Variants in GPC3 observed in about 807,000 individuals in gnomAD.
GPC3 encodes the protein glypican 3.
A neutral mutation model predicts 34.4 loss-of-function variants in GPC3; 3 were observed. That is an observed-to-expected ratio of 0.09 (90% CI 0.04 to 0.23). GPC3 has a LOEUF of 0.23. Among genes scored for constraint, GPC3 ranks in the 10% least tolerant of loss-of-function variants. GPC3 has a pLI of 1.00. For synonymous variants in GPC3, 177 were observed against 174.0 expected (o/e 1.02, Z -0.13); for missense variants, 351 against 445.6 (o/e 0.79, Z 1.91).
intron 1 of GPC3, among the ~76,000 whole-genome samples, chrX:133,976,714 T>TC (rs1366065137): frequency 1.8e-5 from 2 of 110,065 alleles, no homozygotes; most frequent in African/African-American, 6.6e-5. Context: ...GGTCAGGAGT[T>TC]CGAGACCAGC....
chrX:133,839,329 A>G (rs750308514), intron 2 of GPC3, among the ~76,000 whole-genome samples: 1 of 111,789 alleles, frequency 8.9e-6, no homozygotes, highest in Non-Finnish European at 1.9e-5. Context: ...GACTTTTATC[A>G]GGGGGGTCTG....
intron 2 of GPC3, among the ~76,000 whole-genome samples, chrX:133,928,532 A>G (rs1423718244): frequency 9.0e-6 from 1 of 111,662 alleles, no homozygotes; most frequent in Admixed American, 9.5e-5. Flanking sequence ...TAATGGTTGC[A>G]CCAATCTACA....
chrX:133,666,430 T>C (rs2070768187), intron 5 of GPC3, among the ~76,000 whole-genome samples: 1 of 112,639 alleles, frequency 8.9e-6, no homozygotes, highest in African/African-American at 3.2e-5. Context: ...ATAGCTGCCC[T>C]GTGGCTTAGG....
At chrX:133,947,793 T>C (rs2076375508) in intron 2 of GPC3, among the ~76,000 whole-genome samples, 1 of 112,147 alleles carries the variant, frequency 8.9e-6, no homozygotes. Flanking sequence ...GTTTGATTAA[T>C]AATTTACATT....
chrX:133,900,050 G>A (rs760830394), intron 2 of GPC3, among the ~76,000 whole-genome samples: 120 of 111,774 alleles, frequency 1.1e-3, no homozygotes, highest in Non-Finnish European at 1.7e-3. Flanking sequence ...TGATCCACCC[G>A]CCTCAGCCTC....
At chrX:133,635,845 AC>A (rs1458094644) in intron 6 of GPC3, among the ~76,000 whole-genome samples, 2 of 107,401 alleles carry the variant, frequency 1.9e-5, no homozygotes, top group Non-Finnish European at 3.8e-5. Context: ...AAAAAAAAAA[AC>A]ACTTCATAAA....
chrX:133,821,649 T>C (rs1051232093), intron 2 of GPC3, among the ~76,000 whole-genome samples: 5 of 111,451 alleles, frequency 4.5e-5, no homozygotes, highest in African/African-American at 1.6e-4. Flanking sequence ...AAGGTAATAA[T>C]ACCTAGTGTA....
intron 2 of GPC3, among the ~76,000 whole-genome samples, chrX:133,905,088 G>A (rs2076162455): frequency 8.9e-6 from 1 of 111,954 alleles, no homozygotes; most frequent in African/African-American, 3.2e-5. Flanking sequence ...ATGTTTAACT[G>A]TCAGTACTTA....
chrX:133,711,894 T>C (rs947608956), intron 3 of GPC3, among the ~76,000 whole-genome samples: 12 of 112,323 alleles, frequency 1.1e-4, no homozygotes, highest in Non-Finnish European at 2.1e-4. Flanking sequence ...AACCTTCTTA[T>C]CATTTAATAA....
At chrX:133,574,224 T>C (rs2069656789) in intron 7 of GPC3, among the ~76,000 whole-genome samples, 1 of 111,114 alleles carries the variant, frequency 9.0e-6, no homozygotes, top group Non-Finnish European at 1.9e-5. Context: ...GTGGTGAACA[T>C]GTTCTAAAAT....
At chrX:133,876,991 G>C (rs932578239) in intron 2 of GPC3, among the ~76,000 whole-genome samples, 1 of 111,684 alleles carries the variant, frequency 9.0e-6, no homozygotes, top group Non-Finnish European at 1.9e-5. Context: ...TCAATGTCTT[G>C]ATGCTGAACT....
At chrX:133,552,376 G>C (rs1474191891) in intron 7 of GPC3, among the ~76,000 whole-genome samples, 1 of 112,006 alleles carries the variant, frequency 8.9e-6, no homozygotes, top group Non-Finnish European at 1.9e-5. Flanking sequence ...TTCAAAGAAA[G>C]GGACCAGCGT....
chrX:133,768,775 C>T (rs1409116655), intron 2 of GPC3, among the ~76,000 whole-genome samples: 1 of 110,314 alleles, frequency 9.1e-6, no homozygotes, highest in East Asian at 2.9e-4. Flanking sequence ...CCTGTCTCTA[C>T]TAAAAATACA....
intron 2 of GPC3, 32 bp from the exon 3 acceptor site, chrX:133,754,208 A>C: frequency 2.0e-6 from 2 of 989,621 alleles, no homozygotes; most frequent in Non-Finnish European, 2.8e-6. Flanking sequence ...AGACACAAAA[A>C]TGTGTACAAA....
At chrX:133,584,939 A>C (rs762895749) in intron 7 of GPC3, among the ~76,000 whole-genome samples, 36 of 110,496 alleles carry the variant, frequency 3.3e-4, no homozygotes, top group South Asian at 7.6e-4. Context: ...CCAAAAAAAA[A>C]AAAAAAACAA....
At chrX:133,622,858 A>G (rs1480785752) in intron 6 of GPC3, among the ~76,000 whole-genome samples, 1 of 110,680 alleles carries the variant, frequency 9.0e-6, no homozygotes, top group Non-Finnish European at 1.9e-5. Context: ...TCCAAGAAAC[A>G]TAATTCACCA....
intron 3 of GPC3, among the ~76,000 whole-genome samples, chrX:133,752,029 GTATT>G (rs770141214): frequency 9.1e-6 from 1 of 110,284 alleles, no homozygotes; most frequent in Admixed American, 9.7e-5. Flanking sequence ...CTAATTTTTT[GTATT>G]TATTTATTTA....
intron 6 of GPC3, among the ~76,000 whole-genome samples, chrX:133,635,215 C>T (rs1442773151): frequency 1.3e-4 from 14 of 111,619 alleles, no homozygotes; most frequent in Non-Finnish European, 2.6e-4. Flanking sequence ...TTAGTCATTT[C>T]TAAGGTATAC....
intron 2 of GPC3, among the ~76,000 whole-genome samples, chrX:133,881,011 C>G (rs1205899018): frequency 8.9e-6 from 1 of 112,149 alleles, no homozygotes; most frequent in Non-Finnish European, 1.9e-5. Flanking sequence ...AAGTAATTAA[C>G]CAATTTGCAA....
Sources: allele counts gnomAD v4.1 joint callset (sites outside exome capture counted in the v4.1 genomes callset), GRCh38; gene constraint gnomAD v4.1.1; transcripts MANE v1.5; gene names NCBI Gene and HGNC (gene_info 2026-07-23, HGNC 2026-07-21).